TNFRSF10D: variants seen among roughly 807,000 people sequenced by gnomAD.
TNFRSF10D encodes the protein TNF receptor superfamily member 10d.
In TNFRSF10D, 28 loss-of-function variants were observed where a neutral mutation model predicts 42.1. The ratio of observed to expected loss-of-function variants is 0.66; its 90% confidence interval spans 0.49 to 0.91. The LOEUF is 0.91. Among genes scored for constraint, TNFRSF10D ranks in the 40% least tolerant of loss-of-function variants. TNFRSF10D has a pLI of 0.00. For missense variants in TNFRSF10D, 503 were observed against 486.1 expected (o/e 1.03, Z -0.33); for synonymous variants, 186 against 189.4 (o/e 0.98, Z 0.15).
intron 2 of TNFRSF10D, among the ~76,000 whole-genome samples, chr8:23,149,238 T>C (rs928044467): frequency 2.6e-5 from 4 of 151,678 alleles, no homozygotes; most frequent in Admixed American, 2.6e-4. Context: ...ATTTTATCTT[T>C]TTTAAAATTT....
intron 2 of TNFRSF10D, among the ~76,000 whole-genome samples, chr8:23,151,449 C>T (rs1345847629): frequency 6.6e-6 from 1 of 151,880 alleles, no homozygotes; most frequent in Non-Finnish European, 1.5e-5. Flanking sequence ...TAACTGGATA[C>T]ACAAAACCAT....
chr8:23,144,640 G>A lies in TNFRSF10D; in HGVS notation c.769-5C>T. 2 of 1,611,824 alleles carry A rather than the reference G, an allele frequency of 1.2e-6. No homozygotes were observed. Among genetic ancestry groups the A allele is most frequent in the South Asian group, 2.2e-5 (2 of 90,840 alleles). On this transcript the variant is annotated splice_polypyrimidine_tract_variant and splice_region_variant and intron_variant, in intron 6 of 8. Coordinates refer to ENST00000312584, the MANE Select transcript of TNFRSF10D (RefSeq NM_003840.5). ...TGAACGCCGCCGGAAAAGGACCTTG[G>A]GAAGACAAAGAGCCCACTCAAGTCC...
chr8:23,149,599 T>A (rs1041468745), intron 2 of TNFRSF10D, among the ~76,000 whole-genome samples: 1 of 151,732 alleles, frequency 6.6e-6, no homozygotes, highest in East Asian at 1.9e-4. Flanking sequence ...TCCAACCTCA[T>A]CTACATGTGA....
At chr8:23,163,173 C>T (rs931550666) in intron 1 of TNFRSF10D, among the ~76,000 whole-genome samples, 1 of 145,116 alleles carries the variant, frequency 6.9e-6, no homozygotes, top group Non-Finnish European at 1.5e-5. Context: ...GATCTCGGCT[C>T]ACTGCAACCT....
intron 1 of TNFRSF10D, among the ~76,000 whole-genome samples, chr8:23,160,843 C>T (rs1056425575): frequency 3.3e-5 from 5 of 152,238 alleles, no homozygotes; most frequent in East Asian, 1.9e-4. Flanking sequence ...AACTCCAACC[C>T]GGGCCGGACA....
intron 1 of TNFRSF10D, among the ~76,000 whole-genome samples, chr8:23,163,430 A>G (rs930676831): frequency 3.3e-5 from 5 of 150,146 alleles, no homozygotes; most frequent in Non-Finnish European, 5.9e-5. Context: ...CGAACGAACG[A>G]ACGAACGAAC....
chr8:23,151,462 G>A (rs1490632439), intron 2 of TNFRSF10D, among the ~76,000 whole-genome samples: 8 of 152,078 alleles, frequency 5.3e-5, no homozygotes, highest in South Asian at 2.1e-4. Context: ...AAAACCATGC[G>A]AAAATATAAA....
chr8:23,148,612 G>T, intron 2 of TNFRSF10D, 61 bp from the exon 3 acceptor site: 1 of 1,318,666 alleles, frequency 7.6e-7, no homozygotes, highest in Non-Finnish European at 1.1e-6. Flanking sequence ...GGCTGACAAT[G>T]GCTGGCAAAT....
chr8:23,162,171 G>C (rs974051598), intron 1 of TNFRSF10D, among the ~76,000 whole-genome samples: 6 of 152,216 alleles, frequency 3.9e-5, no homozygotes, highest in African/African-American at 1.4e-4. Context: ...ATTTTAAAAA[G>C]CAACTGTGCA....
Position 23,136,023 on chromosome 8 carries a change from C to A in TNFRSF10D, c.*1847G>T, listed in dbSNP as rs1387844572. 1,703 of 418,738 alleles carry A rather than the reference C, an allele frequency of 4.1e-3. No homozygotes were observed. Among genetic ancestry groups the A allele is most frequent in the African/African-American group, 0.02 (969 of 49,230 alleles). 25.9% of individuals were successfully genotyped at this position (418,738 alleles called of 1,614,324 possible). A position where few individuals can be genotyped will look rare whatever the true frequency, so the allele number is the denominator to read the frequency against. On this transcript the variant is annotated 3_prime_UTR_variant, in exon 9 of 9. Transcript: ENST00000312584. ...GGAAAGGCCATCCCCTCCTAAAACT[C>A]CATGGACACAACAATCTGAATGTGC...
chr8:23,159,166 A>G (rs1291216047), intron 1 of TNFRSF10D, among the ~76,000 whole-genome samples: 1 of 151,944 alleles, frequency 6.6e-6, no homozygotes, highest in African/African-American at 2.4e-5. Context: ...GCATTTTGCT[A>G]TGTTTCCCAG....
chr8:23,155,606 C>T (rs1431295972), intron 1 of TNFRSF10D, among the ~76,000 whole-genome samples: 1 of 151,762 alleles, frequency 6.6e-6, no homozygotes, highest in Admixed American at 6.6e-5. Context: ...GTAACCCCAG[C>T]TACTTGGGAG....
intron 1 of TNFRSF10D, among the ~76,000 whole-genome samples, chr8:23,155,248 T>A (rs1169086539): frequency 1.4e-3 from 217 of 150,896 alleles, no homozygotes; most frequent in African/African-American, 4.6e-3. Flanking sequence ...GAGTTTTTTT[T>A]TTTTTTTGAT....
chr8:23,147,214 G>T, intron 3 of TNFRSF10D, 142 bp from the exon 4 acceptor site: 1 of 659,696 alleles, frequency 1.5e-6, no homozygotes, highest in African/African-American at 1.8e-5. Context: ...AGCACACTCG[G>T]GACTCATACA....
In TNFRSF10D at chr8:23,137,592, A is replaced by G; in HGVS notation, c.*278T>C. 1 of 277,150 alleles carries G rather than the reference A, an allele frequency of 3.6e-6. No individual in the cohort carries two copies. 17.2% of individuals were successfully genotyped at this position (277,150 alleles called of 1,614,324 possible). A position where few individuals can be genotyped will look rare whatever the true frequency, so the allele number is the denominator to read the frequency against. On this transcript the variant is annotated 3_prime_UTR_variant, in exon 9 of 9. Coordinates refer to ENST00000312584, the MANE Select transcript of TNFRSF10D (RefSeq NM_003840.5). ...AGTGCTGGGATTACAGGCATGAGCC[A>G]CCGCATGTGGCCTAAAACGACCCTT...
chr8:23,136,319 G>C lies in TNFRSF10D; in HGVS notation c.*1551C>G, dbSNP rs1032786757. 4 of 220,412 alleles carry C rather than the reference G, an allele frequency of 1.8e-5. No individual in the cohort carries two copies. The highest frequency in any genetic ancestry group is 3.6e-5 in the Non-Finnish European group (4 of 109,806). The allele number at this position is 220,412 out of a possible 1,614,324, so 13.7% of individuals were successfully genotyped here. A position where few individuals can be genotyped will look rare whatever the true frequency, so the allele number is the denominator to read the frequency against. The stretch of plus-strand genomic sequence containing the variant: ...AGTGTTTAAGAATTGATATCTCTGA[G>C]ATGAGTCAGATGCTTACAGAGGGGC... On this transcript the variant is annotated 3_prime_UTR_variant, in exon 9 of 9. Transcript: ENST00000312584.
Position 23,163,771 on chromosome 8 carries a change from G to C in TNFRSF10D, c.150+15C>G. The C allele has an allele frequency of 6.2e-7, 1 of 1,607,078 alleles. No homozygotes were observed. The highest frequency in any genetic ancestry group is 8.5e-7 in the Non-Finnish European group (1 of 1,177,744). On this transcript the variant is annotated intron_variant, in intron 1 of 8. Transcript: ENST00000312584. ...GTGCGCTCTTCCCCAGCCAGGGACCGCGGCGGAGACTCACCGGCAGCAGAA... is the reference window on the plus strand; with the variant it reads ...GTGCGCTCTTCCCCAGCCAGGGACCCCGGCGGAGACTCACCGGCAGCAGAA...
chr8:23,154,024 A>T (rs1200616129), intron 2 of TNFRSF10D, among the ~76,000 whole-genome samples: 1 of 152,210 alleles, frequency 6.6e-6, no homozygotes, highest in African/African-American at 2.4e-5. Context: ...GACACAATGG[A>T]ATACTATTCA....
intron 6 of TNFRSF10D, 150 bp downstream of exon 6, chr8:23,144,908 G>C: frequency 8.1e-7 from 1 of 1,228,378 alleles, no homozygotes; most frequent in Admixed American, 1.8e-5. Context: ...ATGGCCGTGT[G>C]TCCCCCACAG....
Sources: allele counts gnomAD v4.1 joint callset (sites outside exome capture counted in the v4.1 genomes callset), GRCh38; gene constraint gnomAD v4.1.1; transcripts MANE v1.5; gene names NCBI Gene and HGNC (gene_info 2026-07-23, HGNC 2026-07-21).